Variants in CACNA2D1 observed in about 807,000 individuals in gnomAD.
CACNA2D1 encodes the protein calcium voltage-gated channel auxiliary subunit alpha2delta 1, also known as voltage-dependent calcium channel subunit alpha-2/delta-1.
A neutral mutation model predicts 171.5 loss-of-function variants in CACNA2D1; 53 were observed. The ratio of observed to expected loss-of-function variants is 0.31; its 90% CI spans 0.25 to 0.39. CACNA2D1 has a LOEUF of 0.39. CACNA2D1 is among the 10% of genes least tolerant of loss of function. The pLI, the probability that CACNA2D1 is intolerant of heterozygous loss-of-function variation, is 1.00. For missense variants in CACNA2D1, 903 were observed against 1,299.8 expected (o/e 0.69, Z 4.69); for synonymous variants, 442 against 443.1 (o/e 1.00, Z 0.03).
chr7:82,261,944 T>C (rs543319477), intron 3 of CACNA2D1, among the ~76,000 whole-genome samples: 29 of 152,326 alleles, frequency 1.9e-4, no homozygotes, highest in African/African-American at 6.0e-4. Flanking sequence ...TTAGTGAATG[T>C]TAACTATTGT....
At chr7:82,249,940 C>A (rs1805425330) in intron 3 of CACNA2D1, among the ~76,000 whole-genome samples, 2 of 152,172 alleles carry the variant, frequency 1.3e-5, no homozygotes, top group South Asian at 4.1e-4. Context: ...TATTAGAAAA[C>A]CATGGACTGG....
intron 3 of CACNA2D1, among the ~76,000 whole-genome samples, chr7:82,291,590 A>T (rs1203049957): frequency 7.0e-6 from 1 of 142,966 alleles, no homozygotes; most frequent in Non-Finnish European, 1.5e-5. Flanking sequence ...TACTAGATAT[A>T]TAATATATAA....
intron 3 of CACNA2D1, among the ~76,000 whole-genome samples, chr7:82,259,067 G>A (rs1806726768): frequency 1.3e-5 from 2 of 151,990 alleles, no homozygotes; most frequent in African/African-American, 4.8e-5. Flanking sequence ...GACCTCAAGT[G>A]ATCCACCAAA....
rs913475418 is a variant in CACNA2D1 at position 81,965,755 on chromosome 7, T to C, written c.2503-90A>G. 53 of 796,682 alleles carry C rather than the reference T, an allele frequency of 6.7e-5. No homozygotes were observed. The South Asian group carries it at 7.3e-4, about 11-fold the overall frequency. The allele number at this position is 796,682 out of a possible 1,614,324, so 49.4% of individuals were successfully genotyped here. A position where few individuals can be genotyped will look rare whatever the true frequency, so the allele number is the denominator to read the frequency against. Reference sequence around the variant, plus strand: ...CCCATTATATACATGATTAGAGCAATAAAAATAGAAAATTTTAAATGCCTA... The same window carrying C: ...CCCATTATATACATGATTAGAGCAACAAAAATAGAAAATTTTAAATGCCTA... On this transcript the variant is annotated intron_variant, in intron 31 of 38. Transcript: ENST00000356860.
intron 3 of CACNA2D1, among the ~76,000 whole-genome samples, chr7:82,226,051 T>C (rs983668109): frequency 1.3e-5 from 2 of 152,210 alleles, no homozygotes; most frequent in African/African-American, 2.4e-5. Context: ...ATGTATCAAA[T>C]AGGAAATCAT....
chr7:81,966,926 C>T (rs1794756967), intron 31 of CACNA2D1, among the ~76,000 whole-genome samples: 1 of 151,248 alleles, frequency 6.6e-6, no homozygotes, highest in Non-Finnish European at 1.5e-5. Flanking sequence ...CCGAAGAGAA[C>T]CATCATATTG....
At chr7:82,318,688 G>A (rs1815411279) in intron 3 of CACNA2D1, among the ~76,000 whole-genome samples, 1 of 152,084 alleles carries the variant, frequency 6.6e-6, no homozygotes, top group Non-Finnish European at 1.5e-5. Flanking sequence ...CACATCTGAT[G>A]TAAAATAAAA....
intron 7 of CACNA2D1, among the ~76,000 whole-genome samples, chr7:82,069,107 T>C (rs1459108059): frequency 1.3e-5 from 2 of 152,206 alleles, no homozygotes; most frequent in Non-Finnish European, 2.9e-5. Context: ...ACATAATTTC[T>C]TCTGTGATAT....
chr7:82,359,471 C>T (rs1820841241), intron 1 of CACNA2D1, among the ~76,000 whole-genome samples: 1 of 152,092 alleles, frequency 6.6e-6, no homozygotes, highest in Non-Finnish European at 1.5e-5. Flanking sequence ...AATCTACTTC[C>T]CCATATAGAT....
chr7:82,073,726 G>T (rs1389204262), intron 7 of CACNA2D1, among the ~76,000 whole-genome samples: 1 of 151,918 alleles, frequency 6.6e-6, no homozygotes, highest in Non-Finnish European at 1.5e-5. Flanking sequence ...TCAGCCTACC[G>T]AGTAGCTGGG....
chr7:82,138,911 C>T (rs770219082), intron 4 of CACNA2D1, among the ~76,000 whole-genome samples: 29 of 152,042 alleles, frequency 1.9e-4, no homozygotes, highest in African/African-American at 7.2e-5. Context: ...GTGGATTCTA[C>T]GAAAAGTTAA....
chr7:82,172,033 G>A (rs1193579788), intron 3 of CACNA2D1, among the ~76,000 whole-genome samples: 1 of 151,926 alleles, frequency 6.6e-6, no homozygotes, highest in Non-Finnish European at 1.5e-5. Flanking sequence ...TTTTATCAGT[G>A]ACTCTATAAT....
At chr7:82,260,761 T>C (rs1399572112) in intron 3 of CACNA2D1, among the ~76,000 whole-genome samples, 2 of 152,136 alleles carry the variant, frequency 1.3e-5, no homozygotes, top group African/African-American at 4.8e-5. Flanking sequence ...AAAGCCTGTT[T>C]TTAACAATGA....
intron 1 of CACNA2D1, among the ~76,000 whole-genome samples, chr7:82,428,662 A>C (rs1407874653): frequency 2.6e-5 from 4 of 152,230 alleles, no homozygotes; most frequent in African/African-American, 9.6e-5. Flanking sequence ...ATTCAGTGGA[A>C]TATACATAGA....
chr7:82,139,612 T>C lies in CACNA2D1; in HGVS notation c.355-2936A>G, dbSNP rs529432312. Among the ~76,000 whole-genome samples the C allele has an allele frequency of 3.3e-5, 5 of 152,270 alleles. 2 individuals are homozygous for C. Among genetic ancestry groups the C allele is most frequent in the African/African-American group, 1.2e-4 (5 of 41,536 alleles). On this transcript the variant is annotated intron_variant, in intron 4 of 38. Coordinates refer to ENST00000356860, the MANE Select transcript of CACNA2D1 (RefSeq NM_000722.4). Reference sequence around the variant, plus strand: ...GTGCATTTCAAAGTTCAGTTAAGTGTTAACGAATTTGTACAAGGCTTTCTG... The same window carrying C: ...GTGCATTTCAAAGTTCAGTTAAGTGCTAACGAATTTGTACAAGGCTTTCTG...
intron 3 of CACNA2D1, among the ~76,000 whole-genome samples, chr7:82,327,855 T>A (rs1263740644): frequency 6.6e-6 from 1 of 152,214 alleles, no homozygotes; most frequent in African/African-American, 2.4e-5. Context: ...TCCTAGTTGT[T>A]TGGAGGTACC....
At chr7:82,005,600 G>T in intron 17 of CACNA2D1, 103 bp from the exon 18 acceptor site, 2 of 880,014 alleles carry the variant, frequency 2.3e-6, no homozygotes, top group Non-Finnish European at 3.7e-6. Context: ...TGTATAGCAT[G>T]TTGAAAGATA....
chr7:82,117,463 C>T (rs1405353928), intron 5 of CACNA2D1, among the ~76,000 whole-genome samples: 1 of 152,140 alleles, frequency 6.6e-6, no homozygotes, highest in Non-Finnish European at 1.5e-5. Flanking sequence ...GACTTCCACA[C>T]ATATAATACT....
At chr7:82,065,904 CA>C (rs1240341859) in intron 8 of CACNA2D1, among the ~76,000 whole-genome samples, 1 of 151,944 alleles carries the variant, frequency 6.6e-6, no homozygotes, top group Non-Finnish European at 1.5e-5. Context: ...TTAAAAAACC[CA>C]AAAATAGTTG....
Sources: allele counts gnomAD v4.1 joint callset (sites outside exome capture counted in the v4.1 genomes callset), GRCh38; gene constraint gnomAD v4.1.1; transcripts MANE v1.5; gene names NCBI Gene and HGNC (gene_info 2026-07-23, HGNC 2026-07-21).